The following FNDC3B variants were observed in gnomAD, a reference collection of about 807,000 sequenced individuals.
The protein encoded by FNDC3B is fibronectin type III domain containing 3B.
Under a neutral mutation model 151.5 loss-of-function variants are expected in FNDC3B, and 12 were observed. The ratio of observed to expected loss-of-function variants is 0.08; its 90% CI spans 0.05 to 0.13. The LOEUF is 0.13. FNDC3B is among the 10% of genes least tolerant of loss of function. The pLI is 1.00. For missense variants in FNDC3B, 1,214 were observed against 1,505.3 expected (o/e 0.81, Z 3.20); for synonymous variants, 528 against 549.0 (o/e 0.96, Z 0.54).
intron 2 of FNDC3B, among the ~76,000 whole-genome samples, chr3:172,125,472 G>A (rs562658755): frequency 1.1e-3 from 162 of 152,276 alleles, no homozygotes; most frequent in African/African-American, 3.8e-3. Context: ...GGTAGTAGTA[G>A]GTAGAGATAG....
chr3:172,107,063 T>C (rs924542775), intron 1 of FNDC3B, among the ~76,000 whole-genome samples: 1 of 152,132 alleles, frequency 6.6e-6, no homozygotes, highest in African/African-American at 2.4e-5. Context: ...ATGCGGGGTC[T>C]TGCTAGAAGG....
intron 1 of FNDC3B, among the ~76,000 whole-genome samples, chr3:172,073,161 T>C (rs1206791616): frequency 6.6e-6 from 1 of 152,210 alleles, no homozygotes; most frequent in African/African-American, 2.4e-5. Flanking sequence ...TTAGCATTTA[T>C]GTGAAGGACT....
chr3:172,277,336 G>A (rs1330320630), intron 6 of FNDC3B, among the ~76,000 whole-genome samples: 1 of 152,160 alleles, frequency 6.6e-6, no homozygotes. Context: ...TCCAAGATCA[G>A]GGTGCCAGCA....
At chr3:172,126,908 A>G in intron 2 of FNDC3B, 1 of 392,960 alleles carries the variant, frequency 2.5e-6, no homozygotes, top group Non-Finnish European at 5.2e-6. Context: ...AAGGGCTTAG[A>G]TTTCAGAACT....
intron 1 of FNDC3B, among the ~76,000 whole-genome samples, chr3:172,054,556 C>T (rs1017905854): frequency 6.6e-6 from 1 of 152,190 alleles, no homozygotes; most frequent in Non-Finnish European, 1.5e-5. Context: ...TGCCTAAAAA[C>T]CGTTTCTGGC....
At position 172,178,396 on chromosome 3, in the gene FNDC3B, G is replaced by T. The variant is rs530374517; in HGVS notation, c.187+44850G>T. Among the ~76,000 whole-genome samples the T allele has an allele frequency of 1.1e-4, 16 of 152,170 alleles. No individual in the cohort carries two copies. The East Asian group carries it at 3.1e-3, about 29-fold the overall frequency. ...TTGTAGCAAGCTGGTTGCTGTCACC[G>T]AGAGCTCATATATTGACTTTGTCAA... On this transcript the variant is annotated intron_variant, in intron 3 of 25. Coordinates refer to ENST00000415807, the MANE Select transcript of FNDC3B (RefSeq NM_022763.4).
At chr3:172,058,001 T>A (rs1716997799) in intron 1 of FNDC3B, among the ~76,000 whole-genome samples, 1 of 152,122 alleles carries the variant, frequency 6.6e-6, no homozygotes, top group Non-Finnish European at 1.5e-5. Flanking sequence ...TGAATCTCTA[T>A]TATTGAGACA....
At chr3:172,252,551 GTGTC>G (rs1450939121) in intron 6 of FNDC3B, among the ~76,000 whole-genome samples, 5 of 151,750 alleles carry the variant, frequency 3.3e-5, no homozygotes, top group Non-Finnish European at 2.9e-5. Context: ...AAAAGGGACT[GTGTC>G]TGTGAGAATG....
chr3:172,074,356 T>C (rs1717910206), intron 1 of FNDC3B, among the ~76,000 whole-genome samples: 1 of 152,242 alleles, frequency 6.6e-6, no homozygotes, highest in African/African-American at 2.4e-5. Context: ...CAAATCAGCC[T>C]GTACACAGAT....
At chr3:172,131,303 G>A (rs1195560614) in intron 2 of FNDC3B, among the ~76,000 whole-genome samples, 1 of 151,674 alleles carries the variant, frequency 6.6e-6, no homozygotes, top group Non-Finnish European at 1.5e-5. Context: ...TGAGGCAGGC[G>A]AATTGCTTGA....
intron 1 of FNDC3B, among the ~76,000 whole-genome samples, chr3:172,071,537 AATTTTT>A (rs149157693): frequency 8.1e-4 from 124 of 152,292 alleles, no homozygotes; most frequent in African/African-American, 3.0e-3. Flanking sequence ...GATTCACTAA[AATTTTT>A]ATTTTGTTAA....
rs1726630342 is a variant in FNDC3B, at chr3:172,227,139, G to A, written c.264+192G>A. The A allele has an allele frequency of 9.5e-6, 5 of 526,568 alleles. No homozygotes were observed. The South Asian group carries it at 1.2e-4, about 13-fold the overall frequency. 32.6% of individuals were successfully genotyped at this position (526,568 alleles called of 1,614,324 possible). On this transcript the variant is annotated intron_variant, in intron 4 of 25. Coordinates refer to ENST00000415807, the MANE Select transcript of FNDC3B (RefSeq NM_022763.4). ...TGACGTACCAGAGAACCAGAGAAAA[G>A]GAGACACAGAAGGCCTACTAGACTG...
chr3:172,172,091 C>G (rs1463176999), intron 3 of FNDC3B, among the ~76,000 whole-genome samples: 2 of 152,222 alleles, frequency 1.3e-5, no homozygotes, highest in Non-Finnish European at 2.9e-5. Context: ...AACATATGCT[C>G]TGCTATCAGC....
intron 3 of FNDC3B, among the ~76,000 whole-genome samples, chr3:172,199,001 A>T (rs1473556148): frequency 6.7e-6 from 1 of 150,140 alleles, no homozygotes; most frequent in Non-Finnish European, 1.5e-5. Context: ...TGATATTTAA[A>T]TTTTTTTTGT....
chr3:172,137,857 A>G (rs1721449038), intron 3 of FNDC3B, among the ~76,000 whole-genome samples: 1 of 152,212 alleles, frequency 6.6e-6, no homozygotes, highest in African/African-American at 2.4e-5. Flanking sequence ...GGCATCCTAG[A>G]CAAAGGATTT....
At chr3:172,066,451 T>G (rs1450848054) in intron 1 of FNDC3B, among the ~76,000 whole-genome samples, 1 of 152,250 alleles carries the variant, frequency 6.6e-6, no homozygotes, top group Non-Finnish European at 1.5e-5. Flanking sequence ...GTAACTCCCT[T>G]CTGCAGCCTG....
At chr3:172,290,163 C>T (rs1730252359) in intron 7 of FNDC3B, among the ~76,000 whole-genome samples, 1 of 152,104 alleles carries the variant, frequency 6.6e-6, no homozygotes, top group Non-Finnish European at 1.5e-5. Flanking sequence ...AAATAAAAGG[C>T]ATATATTTTG....
chr3:172,131,396 GAA>G (rs1236059229), intron 2 of FNDC3B, among the ~76,000 whole-genome samples: 4 of 106,298 alleles, frequency 3.8e-5, no homozygotes, highest in Admixed American at 9.8e-5. Flanking sequence ...TCCGTCTCAA[GAA>G]AAAAAAAAAA....
At chr3:172,297,569 G>A (rs1730683106) in intron 8 of FNDC3B, among the ~76,000 whole-genome samples, 1 of 152,004 alleles carries the variant, frequency 6.6e-6, no homozygotes, top group African/African-American at 2.4e-5. Flanking sequence ...CCGCCTCCTG[G>A]GTTCACGCCA....
Sources: gnomAD v4.1 joint callset for allele counts (sites outside exome capture counted in the v4.1 genomes callset) on GRCh38, gnomAD v4.1.1 for gene constraint, MANE v1.5 for transcripts, NCBI Gene and HGNC (gene_info 2026-07-23, HGNC 2026-07-21) for gene names.